NUFIP1: variants seen among roughly 807,000 people sequenced by gnomAD.
The protein encoded by NUFIP1 is FMR1-interacting protein NUFIP1.
NUFIP1 carries 38 observed loss-of-function variants against 56.2 expected under a neutral mutation model. That is an observed-to-expected ratio of 0.68 (90% confidence interval 0.52 to 0.89). The LOEUF (loss-of-function observed/expected upper bound fraction) is 0.89, where lower values mean the gene tolerates loss of function less well. Ranked by LOEUF, NUFIP1 falls within the 40% of genes least tolerant of loss-of-function variation. The pLI is 0.00. For missense variants in NUFIP1, 567 were observed against 605.8 expected, an observed-to-expected ratio of 0.94 and a Z score of 0.67; for synonymous variants, 215 against 212.4, an observed-to-expected ratio of 1.01 and a Z score of -0.10.
chr13:44,983,716 G>A (rs769499993), intron 1 of NUFIP1, among the ~76,000 whole-genome samples: 17 of 152,176 alleles, frequency 1.1e-4, no homozygotes, highest in Non-Finnish European at 2.1e-4. Flanking sequence ...AGAATCACTT[G>A]AGCCCAGCAG....
Position 44,965,842 on chromosome 13 carries a change from A to G in NUFIP1, c.827+2T>C. 1 of 1,559,792 alleles carries G rather than the reference A, an allele frequency of 6.4e-7. No homozygotes were observed. The highest frequency in any genetic ancestry group is 2.3e-5 in the East Asian group (1 of 43,074). On this transcript the variant is annotated splice_donor_variant, in intron 6 of 9. Coordinates refer to ENST00000379161, the MANE Select transcript of NUFIP1 (RefSeq NM_012345.3). LOFTEE classifies it high-confidence loss of function. ...CATTATTCATAAGCATAAGGAGCTT[A>G]CCCATATTGTGTTGTTGTCAATACT...
chr13:44,948,359 C>G (rs373055714), intron 8 of NUFIP1, among the ~76,000 whole-genome samples: 2 of 152,104 alleles, frequency 1.3e-5, no homozygotes, highest in African/African-American at 2.4e-5. Context: ...CCAGGCTGCT[C>G]TCGAACTCCT....
intron 1 of NUFIP1, among the ~76,000 whole-genome samples, chr13:44,985,328 A>C (rs1267933760): frequency 2.0e-5 from 3 of 151,944 alleles, no homozygotes; most frequent in African/African-American, 7.3e-5. Flanking sequence ...ATTGTTTGGC[A>C]AAAAAACTTT....
intron 6 of NUFIP1, among the ~76,000 whole-genome samples, chr13:44,964,776 T>C (rs1429284765): frequency 6.6e-6 from 1 of 152,084 alleles, no homozygotes; most frequent in Non-Finnish European, 1.5e-5. Context: ...CTCCGAGTCA[T>C]AACTAGGGCC....
chr13:44,968,033 T>G (rs557783276), intron 5 of NUFIP1, among the ~76,000 whole-genome samples: 1 of 151,758 alleles, frequency 6.6e-6, no homozygotes, highest in African/African-American at 2.4e-5. Context: ...TGGGCCATAC[T>G]GAAAGACAGG....
intron 8 of NUFIP1, among the ~76,000 whole-genome samples, chr13:44,949,313 T>C (rs1351829858): frequency 2.1e-5 from 3 of 145,442 alleles, no homozygotes; most frequent in Admixed American, 7.0e-5. Context: ...GCCATTCTCC[T>C]GCCTCAGCCT....
intron 6 of NUFIP1, among the ~76,000 whole-genome samples, chr13:44,965,386 T>A (rs756870414): frequency 1.8e-4 from 27 of 152,246 alleles, no homozygotes; most frequent in Middle Eastern, 6.8e-3. Context: ...TAATGTAAAA[T>A]TTCCAGTGTC....
chr13:44,986,946 C>T (rs1872420282), intron 1 of NUFIP1, among the ~76,000 whole-genome samples: 1 of 152,110 alleles, frequency 6.6e-6, no homozygotes, highest in African/African-American at 2.4e-5. Context: ...CTCAGCCTCC[C>T]ATGCTTCTAG....
intron 9 of NUFIP1, among the ~76,000 whole-genome samples, chr13:44,942,354 A>G (rs796684792): frequency 2.0e-5 from 3 of 152,356 alleles, no homozygotes; most frequent in African/African-American, 7.2e-5. Context: ...TGTTATTGAT[A>G]GAGTTCAGAA....
At position 44,965,920 on chromosome 13, in the gene NUFIP1, C is replaced by T; in HGVS notation, c.751G>A (p.Ala251Thr). Residue 251 changes from alanine (A) to threonine (T), a missense_variant, in exon 6 of 10, where the codon GCC becomes ACC. Coordinates refer to ENST00000379161, the MANE Select transcript of NUFIP1 (RefSeq NM_012345.3). ...AACTTCTTCTTCCTTTCAATATTGG[C>T]CAGAGTTGGATAGTTTCTAGAAAAT... ...EERRKNYPTL[A>T]NIERKKKLKL... 1 of 1,585,556 alleles carries T rather than the reference C, an allele frequency of 6.3e-7. No individual in the cohort carries two copies. The highest frequency in any genetic ancestry group is 8.6e-7 in the Non-Finnish European group (1 of 1,165,750).
At chr13:44,966,312 CTTATT>C (rs942514695) in intron 5 of NUFIP1, among the ~76,000 whole-genome samples, 3 of 151,872 alleles carry the variant, frequency 2.0e-5, no homozygotes, top group Admixed American at 1.3e-4. Flanking sequence ...TTATTTCCTT[CTTATT>C]TATTTATTTA....
intron 5 of NUFIP1, 137 bp from the exon 6 acceptor site, chr13:44,966,073 T>A (rs963920710): frequency 2.8e-5 from 12 of 434,888 alleles, no homozygotes; most frequent in African/African-American, 1.2e-4. Context: ...GCTTCTACAA[T>A]TTTTTAAGAG....
chr13:44,959,257 A>C, intron 7 of NUFIP1, 124 bp downstream of exon 7: 1 of 900,824 alleles, frequency 1.1e-6, no homozygotes, highest in Non-Finnish European at 1.7e-6. Context: ...AAACAAAAAC[A>C]AAAGCATCAT....
intron 5 of NUFIP1, among the ~76,000 whole-genome samples, chr13:44,975,590 C>T (rs1171089464): frequency 6.6e-6 from 1 of 152,164 alleles, no homozygotes; most frequent in African/African-American, 2.4e-5. Flanking sequence ...TTTTCTCTTA[C>T]CTATACTCAC....
intron 5 of NUFIP1, among the ~76,000 whole-genome samples, chr13:44,966,606 C>T (rs528439147): frequency 2.6e-5 from 4 of 152,210 alleles, no homozygotes; most frequent in African/African-American, 9.6e-5. Flanking sequence ...TGAACCATCA[C>T]GCCCGGCCAA....
intron 6 of NUFIP1, among the ~76,000 whole-genome samples, chr13:44,965,341 T>A (rs553513261): frequency 6.6e-6 from 1 of 152,328 alleles, no homozygotes; most frequent in South Asian, 2.1e-4. Flanking sequence ...TATGTCTTTA[T>A]CAGCAGCGTG....
chr13:44,971,523 T>C (rs1181181162), intron 5 of NUFIP1, among the ~76,000 whole-genome samples: 1 of 152,022 alleles, frequency 6.6e-6, no homozygotes, highest in Non-Finnish European at 1.5e-5. Context: ...AAAATTCACT[T>C]ATAGTTTTGA....
chr13:44,944,636 T>G (rs549406295), intron 8 of NUFIP1, among the ~76,000 whole-genome samples: 28 of 152,222 alleles, frequency 1.8e-4, no homozygotes, highest in Non-Finnish European at 3.5e-4. Flanking sequence ...CAAGTTCATA[T>G]GAACATTTAC....
intron 6 of NUFIP1, 88 bp from the exon 7 acceptor site, chr13:44,959,662 C>G: frequency 2.8e-6 from 3 of 1,078,514 alleles, no homozygotes; most frequent in East Asian, 2.4e-5. Flanking sequence ...CAAAAGAAAC[C>G]TAGCTGTAAA....
Sources: gnomAD v4.1 joint callset for allele counts (sites outside exome capture counted in the v4.1 genomes callset) on GRCh38, gnomAD v4.1.1 for gene constraint, MANE v1.5 for transcripts, NCBI Gene and HGNC (gene_info 2026-07-23, HGNC 2026-07-21) for gene names.